Variants in LARGE1 observed in about 807,000 individuals in gnomAD.
LARGE1 encodes LARGE xylosyl- and glucuronyltransferase 1, also known as xylosyl- and glucuronyltransferase LARGE1.
In LARGE1, 43 loss-of-function variants were observed where a neutral mutation model predicts 87.6. That is an observed-to-expected ratio of 0.49 (90% CI 0.38 to 0.63). LARGE1 has a LOEUF of 0.63. Among genes scored for constraint, LARGE1 ranks in the 30% least tolerant of loss-of-function variants. The pLI, the probability that LARGE1 is intolerant of heterozygous loss-of-function variation, is 0.00. For missense variants in LARGE1, 802 were observed against 1,000.2 expected, an observed-to-expected ratio of 0.80 and a Z score of 2.67; for synonymous variants, 434 against 394.6, an observed-to-expected ratio of 1.10 and a Z score of -1.18.
intron 6 of LARGE1, among the ~76,000 whole-genome samples, chr22:33,458,599 C>T (rs1045593783): frequency 6.6e-6 from 1 of 150,706 alleles, no homozygotes; most frequent in East Asian, 2.0e-4. Flanking sequence ...CTAATGTTTT[C>T]GTATTTTTAG....
intron 1 of LARGE1, among the ~76,000 whole-genome samples, chr22:33,766,943 T>TAC (rs2084924732): frequency 2.6e-5 from 1 of 37,918 alleles, no homozygotes; most frequent in Non-Finnish European, 5.8e-5. Context: ...TATATATATA[T>TAC]ATATATATAT....
intron 2 of LARGE1, among the ~76,000 whole-genome samples, chr22:33,700,632 T>C (rs372566340): frequency 6.6e-6 from 1 of 152,138 alleles, no homozygotes; most frequent in Non-Finnish European, 1.5e-5. Flanking sequence ...TGCTCTCTTA[T>C]TGATGGAGAG....
chr22:33,243,326 A>G (rs1247782607), intron 11 of LARGE1, among the ~76,000 whole-genome samples: 3 of 152,236 alleles, frequency 2.0e-5, no homozygotes, highest in Non-Finnish European at 4.4e-5. Context: ...TTTAACTTCT[A>G]CCACTATCAA....
At chr22:33,154,875 T>G in the LARGE1 span, among the ~76,000 whole-genome samples, 1 of 152,194 alleles carries the variant, frequency 6.6e-6, no homozygotes, top group Non-Finnish European at 1.5e-5. Context: ...GGGAGGTAAT[T>G]GAATCATGGT....
chr22:33,538,424 T>C (rs1254871063), intron 6 of LARGE1, among the ~76,000 whole-genome samples: 2 of 152,222 alleles, frequency 1.3e-5, no homozygotes, highest in South Asian at 2.1e-4. Context: ...ACCTGGCACA[T>C]AGTAGGCATA....
chr22:33,373,972 CAAAAAAAAAAA>C (rs35830988), intron 9 of LARGE1, among the ~76,000 whole-genome samples: 1 of 59,536 alleles, frequency 1.7e-5, no homozygotes, highest in African/African-American at 6.9e-5. Context: ...GACTCCGTCT[CAAAAAAAAAAA>C]AAAAAAAAAA....
intron 11 of LARGE1, among the ~76,000 whole-genome samples, chr22:33,207,454 CTA>C (rs1230352971): frequency 6.6e-6 from 1 of 152,164 alleles, no homozygotes. Context: ...CTCCAAATAT[CTA>C]TTCCCCTTCT....
chr22:33,563,556 C>G (rs969887944), intron 6 of LARGE1, among the ~76,000 whole-genome samples: 1 of 152,140 alleles, frequency 6.6e-6, no homozygotes, highest in Non-Finnish European at 1.5e-5. Context: ...CAAACAGACA[C>G]GATAGGGGAA....
intron 10 of LARGE1, among the ~76,000 whole-genome samples, chr22:33,321,577 G>A (rs529769286): frequency 1.8e-4 from 27 of 152,248 alleles, no homozygotes; most frequent in Admixed American, 5.2e-4. Context: ...TTTTCCTTTG[G>A]TTTTGGTTTC....
chr22:33,182,411 T>C (rs924635710), intron 11 of LARGE1, among the ~76,000 whole-genome samples: 1 of 152,200 alleles, frequency 6.6e-6, no homozygotes, highest in African/African-American at 2.4e-5. Flanking sequence ...TCTGTGTGTC[T>C]GTATCTCTTT....
intron 1 of LARGE1, among the ~76,000 whole-genome samples, chr22:33,845,161 C>T (rs2063393642): frequency 1.3e-5 from 2 of 152,158 alleles, no homozygotes; most frequent in Admixed American, 1.3e-4. Context: ...TTACCTGAGT[C>T]TCTCTCCCTT....
intron 3 of LARGE1, among the ~76,000 whole-genome samples, chr22:33,639,690 C>T (rs984531152): frequency 6.6e-6 from 1 of 152,122 alleles, no homozygotes; most frequent in African/African-American, 2.4e-5. Context: ...ACTGTTTTTT[C>T]TTCCGTACAA....
At chr22:33,336,054 G>A (rs1938405567) in intron 10 of LARGE1, among the ~76,000 whole-genome samples, 1 of 152,206 alleles carries the variant, frequency 6.6e-6, no homozygotes, top group Non-Finnish European at 1.5e-5. Context: ...CTAAAGGAAT[G>A]AACCAGGTAC....
chr22:33,072,374 T>C, the LARGE1 span, among the ~76,000 whole-genome samples: 4 of 152,068 alleles, frequency 2.6e-5, no homozygotes, highest in Non-Finnish European at 5.9e-5. Flanking sequence ...TTGTCCTGGA[T>C]AGGATTTTCC....
At chr22:33,731,236 C>T (rs2083457456) in intron 2 of LARGE1, among the ~76,000 whole-genome samples, 1 of 152,028 alleles carries the variant, frequency 6.6e-6, no homozygotes, top group Non-Finnish European at 1.5e-5. Context: ...ATCTCCTGAA[C>T]TTGTGATCCG....
At chr22:33,707,746 A>C (rs1377300999) in intron 2 of LARGE1, among the ~76,000 whole-genome samples, 1 of 152,184 alleles carries the variant, frequency 6.6e-6, no homozygotes, top group Non-Finnish European at 1.5e-5. Flanking sequence ...TAGTTTCCAG[A>C]TGGAGCTGCC....
the LARGE1 span, among the ~76,000 whole-genome samples, chr22:33,136,296 A>T: frequency 6.6e-6 from 1 of 152,230 alleles, no homozygotes; most frequent in African/African-American, 2.4e-5. Context: ...GGGAGGCCTC[A>T]CAATTATGGT....
At chr22:33,426,970 G>A (rs958169510) in intron 7 of LARGE1, among the ~76,000 whole-genome samples, 10 of 152,116 alleles carry the variant, frequency 6.6e-5, no homozygotes, top group Admixed American at 3.3e-4. Context: ...TCTTTCTACC[G>A]ACCTGCCTTC....
intron 2 of LARGE1, among the ~76,000 whole-genome samples, chr22:33,681,389 C>A (rs984434316): frequency 6.6e-5 from 10 of 152,156 alleles, no homozygotes; most frequent in African/African-American, 2.2e-4. Context: ...GGGTTCACGT[C>A]CCAGGTCTGG....
Sources: gnomAD v4.1 joint callset for allele counts (sites outside exome capture counted in the v4.1 genomes callset) on GRCh38, gnomAD v4.1.1 for gene constraint, MANE v1.5 for transcripts, NCBI Gene and HGNC (gene_info 2026-07-23, HGNC 2026-07-21) for gene names.